Variants in CD47 observed in about 807,000 individuals in gnomAD.
The protein encoded by CD47 is CD47 molecule.
Under a neutral mutation model 44.6 loss-of-function variants are expected in CD47, and 11 were observed. The observed-to-expected ratio is 0.25, with a 90% confidence interval of 0.16 to 0.41. CD47 has a LOEUF of 0.41. Among genes scored for constraint, CD47 ranks in the 10% least tolerant of loss-of-function variants. The pLI is 1.00. For missense variants in CD47, 306 were observed against 386.7 expected (o/e 0.79, Z 1.75); for synonymous variants, 140 against 136.3 (o/e 1.03, Z -0.19).
At chr3:108,082,048 G>A (rs977945577) in intron 1 of CD47, among the ~76,000 whole-genome samples, 16 of 151,858 alleles carry the variant, frequency 1.1e-4, no homozygotes, top group Non-Finnish European at 1.8e-4. Flanking sequence ...GAAACACTGA[G>A]GGAGAGAGGA....
Position 108,065,811 on chromosome 3 carries a change from C to CAAAA in CD47, c.491-4963_491-4960dup, listed in dbSNP as rs58021560. Among the ~76,000 whole-genome samples, 160 of 61,180 alleles carry CAAAA rather than the reference C, an allele frequency of 2.6e-3. 3 individuals are homozygous for CAAAA. Among genetic ancestry groups the CAAAA allele is most frequent in the Non-Finnish European group, 3.2e-3 (107 of 33,944 alleles). The allele number at this position is 61,180 out of a possible 152,430, so 40.1% of individuals were successfully genotyped here. A position where few individuals can be genotyped will look rare whatever the true frequency, so the allele number is the denominator to read the frequency against. The stretch of plus-strand genomic sequence containing the variant: ...TGGGCAACAGAGCGAGACTCCGTCT[C>CAAAA]AAAAAAAAAAAAAAAAAAAAAAAAA... On this transcript the variant is annotated intron_variant, in intron 3 of 10. Transcript: ENST00000361309.
chr3:108,049,747 C>T, intron 9 of CD47, 96 bp from the exon 10 acceptor site: 2 of 797,416 alleles, frequency 2.5e-6, no homozygotes, highest in Non-Finnish European at 4.4e-6. Context: ...GCTAACTAGT[C>T]TACAACTCTA....
At chr3:108,061,561 G>C (rs2079016181) in intron 3 of CD47, among the ~76,000 whole-genome samples, 1 of 152,040 alleles carries the variant, frequency 6.6e-6, no homozygotes, top group Non-Finnish European at 1.5e-5. Flanking sequence ...AGACTCAATG[G>C]GATTCATCAT....
intron 3 of CD47, among the ~76,000 whole-genome samples, chr3:108,061,752 C>T (rs1016812322): frequency 2.0e-5 from 3 of 152,134 alleles, no homozygotes; most frequent in South Asian, 2.1e-4. Flanking sequence ...TAAAAGCAAA[C>T]TGAGTAGCGG....
In CD47 at chr3:108,091,018, A is replaced by G. The variant is rs1173461094; in HGVS notation, c.-110T>C. The G allele has an allele frequency of 1.4e-6, 1 of 697,654 alleles. No homozygotes were observed. The highest frequency in any genetic ancestry group is 2.0e-6 in the Non-Finnish European group (1 of 489,632). 43.2% of individuals were successfully genotyped at this position (697,654 alleles called of 1,614,324 possible). A position where few individuals can be genotyped will look rare whatever the true frequency, so the allele number is the denominator to read the frequency against. ...CCGCCGCGCGTCACAGGCAGGACCCACTGCCCAGGCTGCACGGCCGCGCGC... is the reference window on the plus strand; with the variant it reads ...CCGCCGCGCGTCACAGGCAGGACCCGCTGCCCAGGCTGCACGGCCGCGCGC... On this transcript the variant is annotated 5_prime_UTR_variant, in exon 1 of 11. Transcript: ENST00000361309.
At chr3:108,049,569 A>G (rs371354334) in intron 10 of CD47, 50 bp downstream of exon 10, 4 of 1,170,852 alleles carry the variant, frequency 3.4e-6, no homozygotes, top group African/African-American at 3.0e-5. Context: ...TTGTTTTCCA[A>G]TGTCCATGTT....
intron 3 of CD47, among the ~76,000 whole-genome samples, chr3:108,066,739 G>A (rs920753069): frequency 1.5e-4 from 23 of 152,196 alleles, no homozygotes; most frequent in African/African-American, 5.5e-4. Flanking sequence ...CATAAATGGA[G>A]TAAGAGAAGA....
intron 2 of CD47, among the ~76,000 whole-genome samples, chr3:108,075,970 G>A (rs924192412): frequency 9.2e-5 from 14 of 152,168 alleles, no homozygotes; most frequent in African/African-American, 3.4e-4. Flanking sequence ...CAATTCCTTG[G>A]CAGATACTTA....
chr3:108,058,521 T>G, intron 5 of CD47, 92 bp from the exon 6 acceptor site: 1 of 793,350 alleles, frequency 1.3e-6, no homozygotes, highest in Non-Finnish European at 2.0e-6. Flanking sequence ...AGGGATCTCC[T>G]AAGACCAAAG....
intron 1 of CD47, among the ~76,000 whole-genome samples, chr3:108,088,468 C>T (rs1445145052): frequency 3.3e-5 from 5 of 152,094 alleles, no homozygotes; most frequent in East Asian, 1.9e-4. Flanking sequence ...CCCATAAATA[C>T]GTACTTTTAA....
At chr3:108,057,409 A>T in intron 7 of CD47, 68 bp downstream of exon 7, 1 of 765,258 alleles carries the variant, frequency 1.3e-6, no homozygotes, top group South Asian at 1.5e-5. Flanking sequence ...AGAACAAACT[A>T]AAAAGCATTT....
intron 3 of CD47, among the ~76,000 whole-genome samples, chr3:108,065,811 CAAAAAAAAAAAAAAAAAAAAAA>C (rs58021560): frequency 3.3e-5 from 2 of 61,164 alleles, no homozygotes; most frequent in African/African-American, 6.6e-5. Flanking sequence ...GACTCCGTCT[CAAAAAAAAAAAAAAAAAAAAAA>C]AAAAAAAAAA....
chr3:108,044,654 C>T lies in CD47; in HGVS notation c.*2634G>A, dbSNP rs536770772. On this transcript the variant is annotated 3_prime_UTR_variant, in exon 11 of 11. Coordinates refer to ENST00000361309, the MANE Select transcript of CD47 (RefSeq NM_001777.4). ...CAAGGAGAAGAGCAAGGCCAAAAAA[C>T]TAATAGAACTAAGCAGAGATGCATA... The T allele has an allele frequency of 1.3e-5, 2 of 152,134 alleles. No homozygotes were observed. The highest frequency in any genetic ancestry group is 4.1e-4 in the South Asian group (2 of 4,822). The allele number at this position is 152,134 out of a possible 1,614,324, so 9.4% of individuals were successfully genotyped here. A position where few individuals can be genotyped will look rare whatever the true frequency, so the allele number is the denominator to read the frequency against.
intron 3 of CD47, among the ~76,000 whole-genome samples, chr3:108,070,137 G>C (rs1355183056): frequency 6.6e-6 from 1 of 152,048 alleles, no homozygotes; most frequent in Non-Finnish European, 1.5e-5. Context: ...CACCACCATA[G>C]ATATAGACAG....
chr3:108,055,746 CATTTTA>C (rs2078903133), intron 7 of CD47, among the ~76,000 whole-genome samples: 1 of 152,150 alleles, frequency 6.6e-6, no homozygotes, highest in Middle Eastern at 3.4e-3. Context: ...AGATTTAAGT[CATTTTA>C]ATTTTAATGT....
Position 108,052,654 on chromosome 3 carries a change from T to TA in CD47, c.878-685dup, listed in dbSNP as rs568072944. ...GAGGGAAGAAGAGATAGCTTCCTTATAAAAAAAACAAATGAGAAGGCTGGC... is the reference window on the plus strand; with the variant it reads ...GAGGGAAGAAGAGATAGCTTCCTTATAAAAAAAAACAAATGAGAAGGCTGGC... On this transcript the variant is annotated intron_variant, in intron 7 of 10. Transcript: ENST00000361309. The TA allele has an allele frequency of 2.8e-4, 42 of 152,100 alleles. No homozygotes were observed. The South Asian group carries it at 6.8e-3, about 25-fold the overall frequency. 9.4% of individuals were successfully genotyped at this position (152,100 alleles called of 1,614,324 possible). A position where few individuals can be genotyped will look rare whatever the true frequency, so the allele number is the denominator to read the frequency against.
chr3:108,086,874 G>A (rs933397847), intron 1 of CD47, among the ~76,000 whole-genome samples: 2 of 152,206 alleles, frequency 1.3e-5, no homozygotes, highest in Non-Finnish European at 2.9e-5. Context: ...GATGGTAGAA[G>A]TGAAAAGGTG....
At position 108,090,921 on chromosome 3, in the gene CD47, C is replaced by T. The variant is rs995119679; in HGVS notation, c.-13G>A. On this transcript the variant is annotated 5_prime_UTR_variant, in exon 1 of 11. Transcript: ENST00000361309. ...CCAGGGGCCACATCTCCGCGCCCGC[C>T]GCGGGGTCGCCGCCGCCGCCGCAGG... The T allele has an allele frequency of 2.0e-6, 3 of 1,469,296 alleles. No homozygotes were observed. The highest frequency in any genetic ancestry group is 3.0e-5 in the African/African-American group (2 of 67,590). 91.0% of individuals were successfully genotyped at this position (1,469,296 alleles called of 1,614,324 possible). A position where few individuals can be genotyped will look rare whatever the true frequency, so the allele number is the denominator to read the frequency against.
intron 10 of CD47, 41 bp from the exon 11 acceptor site, chr3:108,047,333 C>T (rs770090724): frequency 5.9e-6 from 9 of 1,532,606 alleles, no homozygotes; most frequent in Admixed American, 1.8e-5. Flanking sequence ...CTATTCGTGT[C>T]TATTTTCTAT....
Sources: allele counts gnomAD v4.1 joint callset (sites outside exome capture counted in the v4.1 genomes callset), GRCh38; gene constraint gnomAD v4.1.1; transcripts MANE v1.5; gene names NCBI Gene and HGNC (gene_info 2026-07-23, HGNC 2026-07-21).